The following CASP6 variants were observed in gnomAD, a reference collection of about 807,000 sequenced individuals.
The protein encoded by CASP6 is caspase 6.
A neutral mutation model predicts 31.8 loss-of-function variants in CASP6; 20 were observed. The ratio of observed to expected loss-of-function variants is 0.63; its 90% CI spans 0.44 to 0.91. CASP6 has a LOEUF of 0.91. Ranked by LOEUF, CASP6 falls within the 40% of genes least tolerant of loss-of-function variation. CASP6 has a pLI of 0.00. For missense variants in CASP6, 328 were observed against 361.1 expected, an observed-to-expected ratio of 0.91 and a Z score of 0.74; for synonymous variants, 130 against 127.8, an observed-to-expected ratio of 1.02 and a Z score of -0.12.
the CASP6 span, chr4:109,673,992 C>T: frequency 1.7e-5 from 17 of 1,001,090 alleles, no homozygotes; most frequent in Non-Finnish European, 9.6e-6. Context: ...AACTGAAGAG[C>T]AGGGGAAATA....
intron 1 of CASP6, among the ~76,000 whole-genome samples, chr4:109,699,407 C>CAA (rs111848498): frequency 4.0e-5 from 6 of 151,792 alleles, no homozygotes; most frequent in African/African-American, 1.5e-4. Flanking sequence ...CACTTCTCCT[C>CAA]AAAAAAAATA....
In CASP6 at chr4:109,698,652, G is replaced by C. The variant is rs11574695; in HGVS notation, c.41-310C>G. On this transcript the variant is annotated intron_variant, in intron 1 of 6. Coordinates refer to ENST00000265164, the MANE Select transcript of CASP6 (RefSeq NM_001226.4). ...CTAGAGTAACAGTTCTGTGATTACG[G>C]AGTTGAAATATGAAGTTGCTTTGTT... Among the ~76,000 whole-genome samples, 616 of 152,332 alleles carry C rather than the reference G, an allele frequency of 4.0e-3. 7 individuals are homozygous for C. Among genetic ancestry groups the C allele is most frequent in the African/African-American group, 0.014 (574 of 41,566 alleles).
At chr4:109,684,632 A>G (rs200987942), downstream of CASP6, 4 of 1,492,792 alleles carry the variant, frequency 2.7e-6, no homozygotes, top group East Asian at 6.8e-5. Flanking sequence ...TGCATACTTT[A>G]TAGTCACTCG....
chr4:109,698,754 A>G (rs1730329553), intron 1 of CASP6, among the ~76,000 whole-genome samples: 1 of 152,226 alleles, frequency 6.6e-6, no homozygotes, highest in African/African-American at 2.4e-5. Context: ...TTTGTGGTTA[A>G]TGCTGGATTA....
At chr4:109,706,268 T>C (rs796484778), upstream of CASP6, among the ~76,000 whole-genome samples, 22 of 149,360 alleles carry the variant, frequency 1.5e-4, 1 homozygote, top group African/African-American at 5.2e-4. Context: ...CCAATCCTCA[T>C]CACTGATGTT....
intron 2 of CASP6, 108 bp from the exon 3 acceptor site, chr4:109,697,876 G>T: frequency 1.6e-6 from 2 of 1,247,826 alleles, no homozygotes; most frequent in Non-Finnish European, 2.2e-6. Context: ...CTCCTTGCCA[G>T]GCTGATGTTC....
At chr4:109,699,895 CA>C (rs1730365516) in intron 1 of CASP6, among the ~76,000 whole-genome samples, 1 of 152,182 alleles carries the variant, frequency 6.6e-6, no homozygotes, top group Admixed American at 6.5e-5. Context: ...ATCTTTTAAC[CA>C]ATTAGAGTAT....
the CASP6 span, chr4:109,673,811 T>C: frequency 1.1e-5 from 7 of 660,654 alleles, no homozygotes; most frequent in African/African-American, 1.8e-5. Context: ...GAGAGGTTTT[T>C]TCGCTCTAGG....
upstream of CASP6, among the ~76,000 whole-genome samples, chr4:109,705,974 TAAAAAAAAAAAAAAAAAAAA>T (rs59584573): frequency 0.012 from 365 of 29,402 alleles, 36 homozygotes; most frequent in African/African-American, 0.033. Context: ...AGACACTCTT[TAAAAAAAAAAAAAAAAAAAA>T]AAAAAAAATA....
chr4:109,697,851 AGAGATCTG>A, intron 2 of CASP6, 83 bp from the exon 3 acceptor site: 1 of 1,457,424 alleles, frequency 6.9e-7, no homozygotes, highest in Non-Finnish European at 9.3e-7. Flanking sequence ...ACATGTAGAT[AGAGATCTG>A]AGCTTCCTCC....
chr4:109,665,780 G>A, the CASP6 span, among the ~76,000 whole-genome samples: 1 of 152,120 alleles, frequency 6.6e-6, no homozygotes, highest in African/African-American at 2.4e-5. Context: ...TGATTGTATA[G>A]CCTTTTCAGA....
the CASP6 span, among the ~76,000 whole-genome samples, chr4:109,669,018 A>C: frequency 6.6e-6 from 1 of 151,982 alleles, no homozygotes; most frequent in Non-Finnish European, 1.5e-5. Flanking sequence ...CATAGTCAAA[A>C]CCAGTGTTAG....
At chr4:109,704,943 A>C (rs932303598), upstream of CASP6, among the ~76,000 whole-genome samples, 7 of 152,152 alleles carry the variant, frequency 4.6e-5, no homozygotes, top group Admixed American at 3.9e-4. Flanking sequence ...GACCTTGAGC[A>C]ATCTGCCCGC....
chr4:109,675,873 G>A, the CASP6 span, among the ~76,000 whole-genome samples: 2 of 152,298 alleles, frequency 1.3e-5, no homozygotes, highest in African/African-American at 4.8e-5. Context: ...GCAGCAAGAA[G>A]GGTCTCACCA....
chr4:109,693,668 G>C (rs1167110164), intron 5 of CASP6, among the ~76,000 whole-genome samples: 6 of 141,412 alleles, frequency 4.2e-5, no homozygotes, highest in Admixed American at 3.5e-4. Flanking sequence ...CTGGGGGACA[G>C]AGCGAGACTC....
chr4:109,669,398 C>G, the CASP6 span, among the ~76,000 whole-genome samples: 2 of 151,684 alleles, frequency 1.3e-5, no homozygotes, highest in East Asian at 1.9e-4. Flanking sequence ...TTTTTTTTCT[C>G]TGCTATAGCT....
At chr4:109,706,883 A>AG (rs1334053658), upstream of CASP6, among the ~76,000 whole-genome samples, 1 of 152,124 alleles carries the variant, frequency 6.6e-6, no homozygotes. Flanking sequence ...CTCCAGCCTG[A>AG]GTGACAGAAC....
the CASP6 span, among the ~76,000 whole-genome samples, chr4:109,671,976 AT>A: frequency 4.6e-4 from 70 of 152,200 alleles, no homozygotes; most frequent in African/African-American, 1.7e-3. Context: ...TTCCCTATAA[AT>A]TCTTTCTCAA....
intron 5 of CASP6, chr4:109,692,292 G>C (rs1318314945): frequency 6.6e-6 from 1 of 152,076 alleles, no homozygotes; most frequent in South Asian, 2.1e-4. Flanking sequence ...ATAAGAGTAA[G>C]AGCGAGCCTT....
Sources: gnomAD v4.1 joint callset for allele counts (sites outside exome capture counted in the v4.1 genomes callset) on GRCh38, gnomAD v4.1.1 for gene constraint, MANE v1.5 for transcripts, NCBI Gene and HGNC (gene_info 2026-07-23, HGNC 2026-07-21) for gene names.